INSRR: variants seen among roughly 807,000 people sequenced by gnomAD.
INSRR encodes insulin receptor related receptor.
Under a neutral mutation model 130.0 loss-of-function variants are expected in INSRR, and 114 were observed. The observed-to-expected ratio is 0.88, with a 90% CI of 0.75 to 1.02. INSRR has a LOEUF of 1.02. Among genes scored for constraint, INSRR ranks in the 50% least tolerant of loss-of-function variants. INSRR has a pLI of 0.00. For missense variants in INSRR, 1,657 were observed against 1,735.2 expected (o/e 0.95, Z 0.80); for synonymous variants, 674 against 705.2 (o/e 0.96, Z 0.70).
chr1:156,851,149 A>T, intron 5 of INSRR, 141 bp downstream of exon 5: 1 of 847,518 alleles, frequency 1.2e-6, no homozygotes, highest in Non-Finnish European at 2.0e-6. Flanking sequence ...AAAACTGAAG[A>T]CCAGAGAAGT....
rs764924099 is a variant in INSRR at position 156,851,306 on chromosome 1, C to G, written c.1213G>C (p.Asp405His). ...AACCCTTACCCATCCACCATGGCGT[C>G]TCCCCGGATTAGTTTGAGGTTCTTG... ...FFKNLKLIRG[D>H]AMVDGNYTLY... The change falls in exon 5 of 22, where the codon GAC becomes CAC. Residue 405 changes from aspartate to histidine, a missense_variant. Physicochemically the swap from Asp to His is moderately conservative, Grantham distance 81. Transcript: ENST00000368195. The G allele has an allele frequency of 6.2e-7, 1 of 1,614,052 alleles. No homozygotes were observed. The highest frequency in any genetic ancestry group is 1.3e-5 in the African/African-American group (1 of 74,908).
Position 156,852,071 on chromosome 1 carries a change from T to G in INSRR, c.758A>C (p.Tyr253Ser), listed in dbSNP as rs1571670420. 1 of 1,613,590 alleles carries G rather than the reference T, an allele frequency of 6.2e-7. No homozygotes were observed. The highest frequency in any genetic ancestry group is 1.1e-5 in the South Asian group (1 of 91,080). The change falls in exon 3 of 22, where the codon TAC becomes TCC. Residue 253 changes from tyrosine (Y) to serine (S), a missense_variant. Physicochemically the swap from Tyr to Ser is moderately radical, Grantham distance 144 (BLOSUM62 -2). Coordinates refer to ENST00000368195, the MANE Select transcript of INSRR (RefSeq NM_014215.3). ...GGCCCACAGGCAGGCACCCTGGAAG[T>G]AGAGGTGGCGGCAAGCTACACAGGC... ...PRACVACRHL[Y>S]FQGACLWACP...
At position 156,840,904 on chromosome 1, in the gene INSRR, C is replaced by T; in HGVS notation, c.3863G>A (p.Cys1288Tyr). ...CCCTGGACCCCCATTTTGAGGGCTG[C>T]AGTCTCTTGGAGTGGGTGAGGAGTC... is the stretch of plus-strand genomic sequence containing the variant. ...EPDSSPTPRD[C>Y]SPQNGGPGH is the part of the protein sequence containing the mutation. The change falls in exon 22 of 22, where the codon TGC (cysteine) becomes TAC (tyrosine). Residue 1288 changes from cysteine to tyrosine, a missense_variant. Cys to Tyr is a radical substitution (Grantham distance 194). Transcript: ENST00000368195. 1.9e-6 allele frequency: 3 copies of T among 1,613,946 alleles called. No homozygotes were observed. The highest frequency in any genetic ancestry group is 2.5e-6 in the Non-Finnish European group (3 of 1,179,904).
chr1:156,841,938 C>T, intron 19 of INSRR, 144 bp from the exon 20 acceptor site: 2 of 1,550,776 alleles, frequency 1.3e-6, no homozygotes, highest in Non-Finnish European at 1.8e-6. Flanking sequence ...GACCTCAGAA[C>T]TCATCCCATC....
In INSRR at chr1:156,851,406, G is replaced by A. The variant is rs140072588; in HGVS notation, c.1113C>T (p.Ser371=). The change falls in exon 5 of 22, where the codon AGC becomes AGT. Residue 371 remains serine, a synonymous_variant. Transcript: ENST00000368195. ...GYNLEPQLQH[S]LGLVETITGF... ...CAGTAATGGTTTCTACCAGCCCCAG[G>A]CTGTGCTGCAGCTGTGGCTCCAGGT... The A allele has an allele frequency of 9.7e-4, 1,566 of 1,614,164 alleles. 15 individuals are homozygous for A. The African/African-American group carries it at 0.019, about 19-fold the overall frequency.
In INSRR at chr1:156,854,034, C is replaced by G. The variant is rs778566296; in HGVS notation, c.355G>C (p.Glu119Gln). The G allele has an allele frequency of 1.9e-6, 3 of 1,613,976 alleles. No individual in the cohort carries two copies. Among genetic ancestry groups the G allele is most frequent in the Non-Finnish European group, 2.5e-6 (3 of 1,180,030 alleles). Residue 119 changes from glutamate to glutamine, a missense_variant, in exon 2 of 22, where the codon GAG becomes CAG. Physicochemically the swap from Glu to Gln is conservative, Grantham distance 29 (BLOSUM62 2). Coordinates refer to ENST00000368195, the MANE Select transcript of INSRR (RefSeq NM_014215.3). This position sits in a 1 kb window ranked among gnomAD's most constrained non-coding sequence, Gnocchi z 4.2. ...GCCACGTCACGCAGATGTGGCATCT[C>G]AAAGATGACCAGTGCATAGCCCAGG... ...LFLGYALVIFEMPHLRDVALP... is the reference protein window; with the variant it reads ...LFLGYALVIFQMPHLRDVALP...
intron 7 of INSRR, among the ~76,000 whole-genome samples, chr1:156,848,223 C>T (rs1294050754): frequency 2.0e-5 from 3 of 152,134 alleles, no homozygotes; most frequent in Non-Finnish European, 4.4e-5. Context: ...GACCCTGAGC[C>T]AGTGGTCAGC....
chr1:156,857,259 G>A (rs1655443511), intron 1 of INSRR, among the ~76,000 whole-genome samples: 1 of 151,902 alleles, frequency 6.6e-6, no homozygotes, highest in African/African-American at 2.4e-5. Flanking sequence ...GAGGGAGAGA[G>A]AATGAGAAAA....
rs752601360 is a variant in INSRR, at chr1:156,851,337, G to A, written c.1182C>T (p.Gly394=). 4 of 1,614,056 alleles carry A rather than the reference G, an allele frequency of 2.5e-6. No individual in the cohort carries two copies. Among genetic ancestry groups the A allele is most frequent in the Non-Finnish European group, 3.4e-6 (4 of 1,180,030 alleles). The change falls in exon 5 of 22, where the codon GGC becomes GGT. Residue 394 remains glycine, a synonymous_variant. Transcript: ENST00000368195. ...GGATTAGTTTGAGGTTCTTGAAAAA[G>A]CCCAGGGACACGAGGGCAAAGGAGT... is the stretch of plus-strand genomic sequence containing the variant. ...IKHSFALVSL[G]FFKNLKLIRG...
rs2102870365 is a variant in INSRR, at chr1:156,854,267, T to C, written c.122A>G (p.Glu41Gly). The change falls in exon 2 of 22, where the codon GAG (glutamate) becomes GGG (glycine). Residue 41 changes from glutamate (E) to glycine (G), a missense_variant. By Grantham distance (98) the Glu-to-Gly change is moderately conservative. Transcript: ENST00000368195. The surrounding 1 kb of genome is among the most constrained non-coding windows in gnomAD (Gnocchi z 4.2). ...GCTGCAGTTCTCCAGCTGACGAAGC[T>C]CTGCCACCTCTGAGCGAATATCCAG... ...PSLDIRSEVA[E>G]LRQLENCSVV... 6.2e-7 allele frequency: 1 copy of C among 1,613,314 alleles called. No homozygotes were observed. Among genetic ancestry groups the C allele is most frequent in the Non-Finnish European group, 8.5e-7 (1 of 1,179,852 alleles).
chr1:156,850,963 G>A (rs1264946489), intron 5 of INSRR, among the ~76,000 whole-genome samples: 1 of 152,196 alleles, frequency 6.6e-6, no homozygotes, highest in Non-Finnish European at 1.5e-5. Context: ...CAGCTGACAG[G>A]ACCAGATGAT....
Position 156,854,259 on chromosome 1 carries a change from G to A in INSRR, c.130C>T (p.Gln44Ter), listed in dbSNP as rs1426112591. ...TCCACCACGCTGCAGTTCTCCAGCTGACGAAGCTCTGCCACCTCTGAGCGA... is the reference window on the plus strand; with the variant it reads ...TCCACCACGCTGCAGTTCTCCAGCTAACGAAGCTCTGCCACCTCTGAGCGA... Reference protein sequence around the residue: ...DIRSEVAELRQLENCSVVEGH... With the variant: ...DIRSEVAELR Residue 44 changes from glutamine (Q) to a stop codon, truncating the protein, a stop_gained, in exon 2 of 22, where the codon CAG (glutamine) becomes TAG (stop). Coordinates refer to ENST00000368195, the MANE Select transcript of INSRR (RefSeq NM_014215.3). LOFTEE classifies it high-confidence loss of function. This position sits in a 1 kb window ranked among gnomAD's most constrained non-coding sequence, Gnocchi z 4.2. 2.5e-6 allele frequency: 4 copies of A among 1,613,610 alleles called. No homozygotes were observed. Among genetic ancestry groups the A allele is most frequent in the African/African-American group, 1.3e-5 (1 of 75,050 alleles).
chr1:156,842,116 G>A lies in INSRR; in HGVS notation c.3393C>T (p.Ile1131=), dbSNP rs1654816635. 8.7e-6 allele frequency: 14 copies of A among 1,613,812 alleles called. No homozygotes were observed. Among genetic ancestry groups the A allele is most frequent in the Admixed American group, 1.7e-5 (1 of 59,984 alleles). Residue 1131 remains isoleucine, a synonymous_variant, in exon 19 of 22, where the codon ATC becomes ATT. Coordinates refer to ENST00000368195, the MANE Select transcript of INSRR (RefSeq NM_014215.3). ...CMVSQDFTVK[I]GDFGMTRDVY... ...TCTGCCTGGCACCCTCTGTACCCCC[G>A]ATCTTGACGGTGAAGTCCTGGGACA...
rs1654918160 is a variant in INSRR at position 156,844,539 on chromosome 1, G to C, written c.2660C>G (p.Ser887Cys). 6.2e-7 allele frequency: 1 copy of C among 1,614,198 alleles called. No individual in the cohort carries two copies. The part of the protein sequence containing the change: ...HLALLPPGNY[S>C]ARVRATSLAG... ...CAGTGAGGTTGCCCTAACCCTGGCA[G>C]AGTAGTTTCCAGGGGGCAGCAGGGC... Residue 887 changes from serine (S) to cysteine (C), a missense_variant, in exon 14 of 22, where the codon TCT becomes TGT. Ser to Cys is a moderately radical substitution (Grantham distance 112). Transcript: ENST00000368195.
In INSRR at chr1:156,849,254, C is replaced by CGGTCTCCGT; in HGVS notation, c.1427_1435dup (p.Asp478_Arg479insHisGlyAsp). ...TGGGGTTGGGGTCTCACAGGCGGCGCGGTCTCCGTTGGTGCGGGGGTTGAT... is the reference window on the plus strand; with the variant it reads ...TGGGGTTGGGGTCTCACAGGCGGCGCGGTCTCCGTGGTCTCCGTTGGTGCGGGGGTTGAT... On this transcript the variant is annotated inframe_insertion, in exon 6 of 22. Coordinates refer to ENST00000368195, the MANE Select transcript of INSRR (RefSeq NM_014215.3). 6.2e-7 allele frequency: 1 copy of CGGTCTCCGT among 1,613,774 alleles called. No individual in the cohort carries two copies. Among genetic ancestry groups the CGGTCTCCGT allele is most frequent in the South Asian group, 1.1e-5 (1 of 91,078 alleles).
Position 156,854,201 on chromosome 1 carries a change from G to T in INSRR, c.188C>A (p.Ala63Asp), listed in dbSNP as rs1381346735. Reference sequence around the variant, plus strand: ...GAGGCCGCGGAAGTCCTCCCCGGTGGCTGTGAACATGAGCAGGATCTGCAG... The same window carrying T: ...GAGGCCGCGGAAGTCCTCCCCGGTGTCTGTGAACATGAGCAGGATCTGCAG... ...GHLQILLMFT[A>D]TGEDFRGLSF... Residue 63 changes from alanine (A) to aspartate (D), a missense_variant, in exon 2 of 22, where the codon GCC becomes GAC. Transcript: ENST00000368195. This position sits in a 1 kb window ranked among gnomAD's most constrained non-coding sequence, Gnocchi z 4.2. The T allele has an allele frequency of 1.2e-6, 2 of 1,614,084 alleles. No individual in the cohort carries two copies. Among genetic ancestry groups the T allele is most frequent in the Non-Finnish European group, 8.5e-7 (1 of 1,180,032 alleles).
Position 156,858,543 on chromosome 1 carries a change from C to G in INSRR, c.79G>C (p.Val27Leu). The G allele has an allele frequency of 6.2e-7, 1 of 1,613,440 alleles. No homozygotes were observed. The highest frequency in any genetic ancestry group is 8.5e-7 in the Non-Finnish European group (1 of 1,179,724). Residue 27 changes from valine to leucine, a missense_variant, in exon 1 of 22, where the codon GTA becomes CTA. Coordinates refer to ENST00000368195, the MANE Select transcript of INSRR (RefSeq NM_014215.3). Reference sequence around the variant, plus strand: ...GCCAGTTCTGGGGACTCACCCTCTACTGTATCCAGGCCAAATCCCAAGGAG... The same window carrying G: ...GCCAGTTCTGGGGACTCACCCTCTAGTGTATCCAGGCCAAATCCCAAGGAG... ...FLSLGFGLDT[V>L]EVCPSLDIRS...
Position 156,844,445 on chromosome 1 carries a change from A to G in INSRR, c.2737+17T>C, listed in dbSNP as rs754046006. On this transcript the variant is annotated intron_variant, in intron 14 of 21. Coordinates refer to ENST00000368195, the MANE Select transcript of INSRR (RefSeq NM_014215.3). ...GGCTGTTCGGTGATACAGGTCTGTG[A>G]CAGAGGCTGTGTATACCTGGGCCAA... 6.2e-7 allele frequency: 1 copy of G among 1,610,520 alleles called. No homozygotes were observed. The highest frequency in any genetic ancestry group is 2.2e-5 in the East Asian group (1 of 44,826).
intron 1 of INSRR, among the ~76,000 whole-genome samples, chr1:156,855,498 C>A (rs1655378075): frequency 6.6e-6 from 1 of 152,196 alleles, no homozygotes; most frequent in African/African-American, 2.4e-5. Flanking sequence ...AACCACCACG[C>A]CCGGCCTGAA....
Sources: gnomAD v4.1 joint callset for allele counts (sites outside exome capture counted in the v4.1 genomes callset) on GRCh38, gnomAD v4.1.1 for gene constraint, Gnocchi (gnomAD v3.1) non-coding constraint, MANE v1.5 for transcripts, NCBI Gene and HGNC (gene_info 2026-07-23, HGNC 2026-07-21) for gene names.